MGMT: variants seen among roughly 807,000 people sequenced by gnomAD.
MGMT encodes the protein O-6-methylguanine-DNA methyltransferase, also known as methylated-DNA--protein-cysteine methyltransferase.
Under a neutral mutation model 15.9 loss-of-function variants are expected in MGMT, and 14 were observed. The ratio of observed to expected loss-of-function variants is 0.88; its 90% CI spans 0.58 to 1.37. The LOEUF (loss-of-function observed/expected upper bound fraction) is 1.37. Among genes scored for constraint, MGMT ranks in the 40% most tolerant of loss-of-function variants. The pLI, the probability that MGMT is intolerant of heterozygous loss-of-function variation, is 0.00. For synonymous variants in MGMT, 130 were observed against 118.2 expected (o/e 1.10, Z -0.65); for missense variants, 282 against 268.1 (o/e 1.05, Z -0.36).
At position 129,708,009 on chromosome 10, in the gene MGMT, CG is replaced by C. The variant is rs779927858; in HGVS notation, c.241del (p.Val81CysfsTer23). The C allele has an allele frequency of 5.6e-6, 9 of 1,613,616 alleles. No individual in the cohort carries two copies. Among genetic ancestry groups the C allele is most frequent in the Non-Finnish European group, 7.6e-6 (9 of 1,179,960 alleles). ...AGCCCGAGGCTATCGAAGAGTTCCC[CG>C]TGCCGGCTCTTCACCATCCCGTTTT... is the stretch of plus-strand genomic sequence containing the variant. ...HQPEAIEEFP[V>X]PALHHPVFQQ... On this transcript the variant is annotated frameshift_variant, in exon 3 of 5. Transcript: ENST00000651593. LOFTEE classifies it high-confidence loss of function.
At chr10:129,690,441 G>A (rs1847956563) in intron 2 of MGMT, among the ~76,000 whole-genome samples, 1 of 152,138 alleles carries the variant, frequency 6.6e-6, no homozygotes, top group South Asian at 2.1e-4. Context: ...TGTACAAAAG[G>A]CACTGCGGCG....
intron 3 of MGMT, among the ~76,000 whole-genome samples, chr10:129,730,412 G>C (rs1320048523): frequency 6.6e-6 from 1 of 152,216 alleles, no homozygotes; most frequent in Admixed American, 6.5e-5. Flanking sequence ...TGCCCTGTGA[G>C]TCTGGGATTG....
intron 1 of MGMT, among the ~76,000 whole-genome samples, chr10:129,515,059 G>A (rs574123498): frequency 6.6e-6 from 1 of 152,304 alleles, no homozygotes; most frequent in South Asian, 2.1e-4. Flanking sequence ...AAAGGGTTGG[G>A]GTCTGCCCCT....
chr10:129,544,201 A>G (rs1241607766), intron 2 of MGMT, among the ~76,000 whole-genome samples: 1 of 152,178 alleles, frequency 6.6e-6, no homozygotes, highest in Non-Finnish European at 1.5e-5. Flanking sequence ...AGGAGGAAAC[A>G]TGGAACCTTG....
intron 1 of MGMT, among the ~76,000 whole-genome samples, chr10:129,469,598 C>T (rs562078761): frequency 1.3e-5 from 2 of 152,226 alleles, no homozygotes; most frequent in Non-Finnish European, 2.9e-5. Context: ...GCCCTGTGCT[C>T]ATTCGGCTCT....
Position 129,714,760 on chromosome 10 carries a change from G to A in MGMT, c.274+6717G>A, listed in dbSNP as rs373105572. ...TTTGTTTGAGACTTAAAAACTGTGC[G>A]CATTGAAGGAATGTTTTGCCGTTGA... On this transcript the variant is annotated intron_variant, in intron 3 of 4. Transcript: ENST00000651593. Among the ~76,000 whole-genome samples the A allele has an allele frequency of 4.1e-4, 63 of 152,188 alleles. 2 individuals carry two copies. The South Asian group carries it at 8.5e-3, about 21-fold the overall frequency.
chr10:129,763,681 C>T (rs2133188672), intron 4 of MGMT, among the ~76,000 whole-genome samples: 1 of 152,286 alleles, frequency 6.6e-6, no homozygotes, highest in East Asian at 1.9e-4. Context: ...GAATTAAATG[C>T]CTACCTCTTT....
intron 1 of MGMT, among the ~76,000 whole-genome samples, chr10:129,496,158 T>C (rs1845518860): frequency 6.6e-6 from 1 of 152,192 alleles, no homozygotes; most frequent in Non-Finnish European, 1.5e-5. Context: ...AGAGATCAAA[T>C]GTTGCTACAA....
At chr10:129,519,117 A>G (rs1276824790) in intron 1 of MGMT, among the ~76,000 whole-genome samples, 1 of 152,198 alleles carries the variant, frequency 6.6e-6, no homozygotes, top group Non-Finnish European at 1.5e-5. Context: ...ATCTGTCATA[A>G]TTAAGACTCG....
At chr10:129,561,230 G>A (rs907196872) in intron 2 of MGMT, among the ~76,000 whole-genome samples, 13 of 152,246 alleles carry the variant, frequency 8.5e-5, no homozygotes, top group Middle Eastern at 3.4e-3. Context: ...TTCTATACAA[G>A]AGAGAGGTGG....
At chr10:129,607,437 A>T (rs1051494262) in intron 2 of MGMT, among the ~76,000 whole-genome samples, 1 of 152,220 alleles carries the variant, frequency 6.6e-6, no homozygotes, top group South Asian at 2.1e-4. Flanking sequence ...GTGACCATTA[A>T]GTAATTTTCA....
chr10:129,651,071 C>A (rs556683405), intron 2 of MGMT, among the ~76,000 whole-genome samples: 23 of 152,148 alleles, frequency 1.5e-4, no homozygotes, highest in African/African-American at 5.6e-4. Flanking sequence ...GGCTGTACCC[C>A]GTACCTCTGT....
In MGMT at chr10:129,532,862, C is replaced by A. The variant is rs577663042; in HGVS notation, c.-12-3379C>A. ...GAGTGCGCAGCTAGTGTCTGACCAG[C>A]CCCCACATGGGGCACTCCCCAGTCC... On this transcript the variant is annotated intron_variant, in intron 1 of 4. Transcript: ENST00000651593. The surrounding 1 kb of genome is among the most constrained non-coding windows in gnomAD (Gnocchi z 5.3). Among the ~76,000 whole-genome samples the A allele has an allele frequency of 6.6e-6, 1 of 152,310 alleles. No homozygotes were observed. Among genetic ancestry groups the A allele is most frequent in the South Asian group, 2.1e-4 (1 of 4,824 alleles).
At chr10:129,552,165 G>A (rs991653645) in intron 2 of MGMT, among the ~76,000 whole-genome samples, 1 of 152,222 alleles carries the variant, frequency 6.6e-6, no homozygotes, top group African/African-American at 2.4e-5. Context: ...GCAGACAGGA[G>A]GGGAGGCCAC....
intron 3 of MGMT, among the ~76,000 whole-genome samples, chr10:129,728,691 T>C (rs1181496136): frequency 6.6e-6 from 1 of 151,930 alleles, no homozygotes; most frequent in Admixed American, 6.6e-5. Context: ...AGCACCAGCG[T>C]TGCCTCCCCA....
chr10:129,504,588 A>T (rs894022517), intron 1 of MGMT, among the ~76,000 whole-genome samples: 1 of 152,226 alleles, frequency 6.6e-6, no homozygotes. Context: ...GATAGCTCCC[A>T]CAACCATTGT....
At chr10:129,683,249 G>C (rs1350536846) in intron 2 of MGMT, among the ~76,000 whole-genome samples, 1 of 152,228 alleles carries the variant, frequency 6.6e-6, no homozygotes, top group Non-Finnish European at 1.5e-5. Context: ...GCAAGTGCCT[G>C]CGTAGGAGTA....
chr10:129,569,769 T>A (rs1283612026), intron 2 of MGMT, among the ~76,000 whole-genome samples: 1 of 152,114 alleles, frequency 6.6e-6, no homozygotes, highest in East Asian at 1.9e-4. Flanking sequence ...GCAGTGCCAC[T>A]TCAGACAAGT....
At chr10:129,541,348 G>C (rs1328643741) in intron 2 of MGMT, among the ~76,000 whole-genome samples, 1 of 152,208 alleles carries the variant, frequency 6.6e-6, no homozygotes, top group Non-Finnish European at 1.5e-5. Context: ...TCACGTCCAG[G>C]AGCACTTGGC....
Sources: gnomAD v4.1 joint callset for allele counts (sites outside exome capture counted in the v4.1 genomes callset) on GRCh38, gnomAD v4.1.1 for gene constraint, Gnocchi (gnomAD v3.1) non-coding constraint, MANE v1.5 for transcripts, NCBI Gene and HGNC (gene_info 2026-07-23, HGNC 2026-07-21) for gene names.